SFXN1: variants seen among roughly 807,000 people sequenced by gnomAD.
SFXN1 encodes the protein sideroflexin-1.
A neutral mutation model predicts 39.5 loss-of-function variants in SFXN1; 32 were observed. That is an observed-to-expected ratio of 0.81 (90% CI 0.61 to 1.09). The LOEUF is 1.09. Ranked by LOEUF, SFXN1 falls within the 50% of genes least tolerant of loss-of-function variation. The pLI, the probability that SFXN1 is intolerant of heterozygous loss-of-function variation, is 0.00. For synonymous variants in SFXN1, 136 were observed against 146.5 expected, an observed-to-expected ratio of 0.93 and a Z score of 0.52; for missense variants, 402 against 407.1, an observed-to-expected ratio of 0.99 and a Z score of 0.11.
intron 1 of SFXN1, among the ~76,000 whole-genome samples, chr5:175,478,960 C>G (rs929525261): frequency 1.3e-5 from 2 of 152,168 alleles, no homozygotes; most frequent in African/African-American, 4.8e-5. Context: ...GCGCTGTCTT[C>G]GGCGCCTGCG....
chr5:175,493,146 G>A lies in SFXN1; in HGVS notation c.164+879G>A, dbSNP rs541338969. 9.9e-5 allele frequency among the ~76,000 whole-genome samples: 15 copies of A among 152,184 alleles called. 1 individual carries two copies. The South Asian group carries it at 2.9e-3, about 29-fold the overall frequency. ...CGGGCGCCTGTAGTCCCAGCTACTC[G>A]GGAGGCTGAGGCAGGAGAATGGCAT... On this transcript the variant is annotated intron_variant, in intron 2 of 10. Coordinates refer to ENST00000321442, the MANE Select transcript of SFXN1 (RefSeq NM_022754.7).
intron 1 of SFXN1, among the ~76,000 whole-genome samples, chr5:175,484,821 A>G (rs1759389751): frequency 6.6e-6 from 1 of 152,184 alleles, no homozygotes; most frequent in South Asian, 2.1e-4. Flanking sequence ...TCAGTCTCCC[A>G]AGTAGCCAGG....
intron 8 of SFXN1, 155 bp from the exon 9 acceptor site, chr5:175,521,764 C>T (rs1760885345): frequency 1.8e-6 from 1 of 570,320 alleles, no homozygotes; most frequent in South Asian, 3.2e-5. Flanking sequence ...GGAAGTTAGG[C>T]TAACACCCTT....
chr5:175,489,992 C>G lies in SFXN1; in HGVS notation c.-9-2103C>G, dbSNP rs544192762. 2.0e-5 allele frequency among the ~76,000 whole-genome samples: 3 copies of G among 152,288 alleles called. No homozygotes were observed. In the South Asian group the frequency reaches 6.2e-4, roughly 32 times the overall value. ...ATTGAATACAAAGTAATCTCTCTTC[C>G]CTTTTAACTGTAATTCTCACTATCA... On this transcript the variant is annotated intron_variant, in intron 1 of 10. Coordinates refer to ENST00000321442, the MANE Select transcript of SFXN1 (RefSeq NM_022754.7).
rs1760609504 is a variant in SFXN1, at chr5:175,513,562, C to T, written c.696C>T (p.Ser232=). The T allele has an allele frequency of 3.7e-6, 6 of 1,613,794 alleles. No individual in the cohort carries two copies. The highest frequency in any genetic ancestry group is 4.2e-6 in the Non-Finnish European group (5 of 1,179,910). The part of the protein sequence containing the change: ...AKQAITQVVV[S]RILMAAPGMA... ...AAGCCATCACGCAAGTTGTCGTGTC[C>T]AGGATTCTCATGGCAGCCCCTGGCA... is the stretch of plus-strand genomic sequence containing the variant. The change falls in exon 7 of 11, where the codon TCC becomes TCT. Residue 232 remains serine, a synonymous_variant. Coordinates refer to ENST00000321442, the MANE Select transcript of SFXN1 (RefSeq NM_022754.7).
At chr5:175,511,661 A>G (rs1176783463) in intron 5 of SFXN1, 135 bp downstream of exon 5, 2 of 723,198 alleles carry the variant, frequency 2.8e-6, no homozygotes, top group Non-Finnish European at 2.3e-6. Context: ...TCAGCTGCAT[A>G]TTTTAGTTAT....
intron 5 of SFXN1, 109 bp downstream of exon 5, chr5:175,511,635 G>C (rs749029638): frequency 1.2e-6 from 1 of 862,684 alleles, no homozygotes; most frequent in Non-Finnish European, 1.9e-6. Flanking sequence ...TGGCTTTCTT[G>C]TTATAGTGCT....
rs1017627058 is a variant in SFXN1, at chr5:175,480,212, T to C, written c.-10+1573T>C. 1.2e-3 allele frequency among the ~76,000 whole-genome samples: 190 copies of C among 152,256 alleles called. 1 individual carries two copies. Among genetic ancestry groups the C allele is most frequent in the Non-Finnish European group, 7.9e-4 (54 of 68,020 alleles). On this transcript the variant is annotated intron_variant, in intron 1 of 10. Transcript: ENST00000321442. The stretch of plus-strand genomic sequence containing the variant: ...GTCAGGAGATCAAGACCATCCTGGC[T>C]AAGCCGGTGAAACCCCGTCTCTACT...
chr5:175,507,982 A>ATAAAAAT (rs1489206318), intron 2 of SFXN1, among the ~76,000 whole-genome samples: 3 of 152,048 alleles, frequency 2.0e-5, no homozygotes, highest in Non-Finnish European at 4.4e-5. Context: ...TTAAAAAAAA[A>ATAAAAAT]AAAAAAAAAA....
At chr5:175,491,346 A>G (rs1759646624) in intron 1 of SFXN1, 1 of 151,452 alleles carries the variant, frequency 6.6e-6, no homozygotes, top group Non-Finnish European at 1.5e-5. Flanking sequence ...TAGCATTTAA[A>G]CCTTTTTTTA....
At position 175,509,167 on chromosome 5, in the gene SFXN1, C is replaced by T; in HGVS notation, c.300C>T (p.Asn100=). The change falls in exon 3 of 11, where the codon AAC becomes AAT. Residue 100 remains asparagine (N), a synonymous_variant. Coordinates refer to ENST00000321442, the MANE Select transcript of SFXN1 (RefSeq NM_022754.7). ...IGRMSAQVPM[N]MTITGCMMTF... is the part of the protein sequence containing the mutation. ...GAATGTCAGCCCAGGTTCCCATGAA[C>T]ATGACCATCACAGGTTGTATGATGA... 1 of 1,613,666 alleles carries T rather than the reference C, an allele frequency of 6.2e-7. No homozygotes were observed. The highest frequency in any genetic ancestry group is 1.7e-5 in the Admixed American group (1 of 59,900).
chr5:175,493,569 C>T (rs1561657288), intron 2 of SFXN1, among the ~76,000 whole-genome samples: 1 of 151,814 alleles, frequency 6.6e-6, no homozygotes, highest in Non-Finnish European at 1.5e-5. Context: ...TGGAACCTTA[C>T]GAGAAAATAG....
intron 4 of SFXN1, among the ~76,000 whole-genome samples, chr5:175,511,167 GT>G (rs1412355374): frequency 2.0e-5 from 3 of 152,126 alleles, no homozygotes; most frequent in Non-Finnish European, 2.9e-5. Context: ...CGAATACAAA[GT>G]CTGTATGTTT....
At chr5:175,508,138 A>T (rs751909069) in intron 2 of SFXN1, among the ~76,000 whole-genome samples, 5 of 152,002 alleles carry the variant, frequency 3.3e-5, no homozygotes, top group African/African-American at 4.8e-5. Context: ...AGAATATTTC[A>T]AAATTGAATG....
intron 2 of SFXN1, among the ~76,000 whole-genome samples, chr5:175,500,461 A>G (rs927307133): frequency 6.7e-6 from 1 of 150,354 alleles, no homozygotes; most frequent in Non-Finnish European, 1.5e-5. Flanking sequence ...CACAAATTAC[A>G]GAGAAAAAAA....
Position 175,528,787 on chromosome 5 carries a change from C to T in SFXN1, c.*2053C>T, listed in dbSNP as rs576501545. On this transcript the variant is annotated 3_prime_UTR_variant, in exon 11 of 11. Coordinates refer to ENST00000321442, the MANE Select transcript of SFXN1 (RefSeq NM_022754.7). ...GGCCTTGGACAGATTCTGTTGTCCTCGACGCGTCTCTTTATAAAGTGGTAA... is the reference window on the plus strand; with the variant it reads ...GGCCTTGGACAGATTCTGTTGTCCTTGACGCGTCTCTTTATAAAGTGGTAA... 1.6e-4 allele frequency: 25 copies of T among 152,220 alleles called. No homozygotes were observed. Among genetic ancestry groups the T allele is most frequent in the African/African-American group, 5.8e-4 (24 of 41,518 alleles). 9.4% of individuals were successfully genotyped at this position (152,220 alleles called of 1,614,324 possible).
intron 7 of SFXN1, 53 bp downstream of exon 7, chr5:175,513,643 C>A: frequency 6.3e-7 from 1 of 1,590,702 alleles, no homozygotes; most frequent in Admixed American, 1.7e-5. Flanking sequence ...CCAGCGTTCA[C>A]GGATCCGTGA....
intron 2 of SFXN1, among the ~76,000 whole-genome samples, chr5:175,505,664 A>G (rs114433877): frequency 9.0e-4 from 137 of 152,176 alleles, no homozygotes; most frequent in Non-Finnish European, 1.4e-3. Context: ...TCTACCCAAG[A>G]TTAAAATTGA....
chr5:175,512,056 C>T, intron 5 of SFXN1, 55 bp from the exon 6 acceptor site: 1 of 1,473,964 alleles, frequency 6.8e-7, no homozygotes, highest in Non-Finnish European at 9.4e-7. Context: ...AAGTTATTTC[C>T]ATTTACTAGT....
Sources: gnomAD v4.1 joint callset for allele counts (sites outside exome capture counted in the v4.1 genomes callset) on GRCh38, gnomAD v4.1.1 for gene constraint, MANE v1.5 for transcripts, NCBI Gene and HGNC (gene_info 2026-07-23, HGNC 2026-07-21) for gene names.